Variants in MPHOSPH10 observed in about 807,000 individuals in gnomAD.
MPHOSPH10 encodes U3 small nucleolar ribonucleoprotein MPP10.
In MPHOSPH10, 33 loss-of-function variants were observed where a neutral mutation model predicts 77.3. The ratio of observed to expected loss-of-function variants is 0.43; its 90% CI spans 0.32 to 0.57. The LOEUF (loss-of-function observed/expected upper bound fraction) is 0.57. MPHOSPH10 is among the 20% of genes least tolerant of loss of function. MPHOSPH10 has a pLI of 0.07. For missense variants in MPHOSPH10, 708 were observed against 780.1 expected, an observed-to-expected ratio of 0.91 and a Z score of 1.10; for synonymous variants, 245 against 268.0, an observed-to-expected ratio of 0.91 and a Z score of 0.84.
At position 71,137,532 on chromosome 2, in the gene MPHOSPH10, G is replaced by T. The variant is rs975390922; in HGVS notation, c.1099-958G>T. ...AAATTAGTCAGGCGTGGTTGCACGC[G>T]CCTGTGGTCCCAGTTATTTGGGAGT... On this transcript the variant is annotated intron_variant, in intron 4 of 10. Transcript: ENST00000244230. Among the ~76,000 whole-genome samples the T allele has an allele frequency of 4.6e-5, 7 of 151,886 alleles. No individual in the cohort carries two copies. In the South Asian group the frequency reaches 6.2e-4, roughly 14 times the overall value.
chr2:71,133,492 T>G lies in MPHOSPH10; in HGVS notation c.684T>G (p.Asp228Glu), dbSNP rs369038411. 2 of 1,613,322 alleles carry G rather than the reference T, an allele frequency of 1.2e-6. No homozygotes were observed. Among genetic ancestry groups the G allele is most frequent in the Non-Finnish European group, 1.7e-6 (2 of 1,179,520 alleles). Reference protein sequence around the residue: ...EKEEERKDDNDEEEEDIDFFE... With the variant: ...EKEEERKDDNEEEEEDIDFFE... The stretch of plus-strand genomic sequence containing the variant: ...AAGAGGAACGAAAAGATGATAATGA[T>G]GAGGAGGAGGAAGATATTGATTTTT... The change falls in exon 2 of 11, where the codon GAT becomes GAG. Residue 228 changes from aspartate (D) to glutamate (E), a missense_variant. By Grantham distance (45) the Asp-to-Glu change is conservative. Coordinates refer to ENST00000244230, the MANE Select transcript of MPHOSPH10 (RefSeq NM_005791.3).
rs1292433883 is a variant in MPHOSPH10, at chr2:71,149,402, T to G, written c.1845T>G (p.Ala615=). The part of the protein sequence containing the change: ...DQAGKYSKTV[A]SEKLKQLTKT... The stretch of plus-strand genomic sequence containing the variant: ...CAGGGAAATACAGCAAAACAGTAGC[T>G]TCGGAGAAGTTAAAACAGCTGACCA... The change falls in exon 10 of 11, where the codon GCT becomes GCG. Residue 615 remains alanine, a synonymous_variant. Coordinates refer to ENST00000244230, the MANE Select transcript of MPHOSPH10 (RefSeq NM_005791.3). 1.2e-6 allele frequency: 2 copies of G among 1,613,160 alleles called. No homozygotes were observed. Among genetic ancestry groups the G allele is most frequent in the Middle Eastern group, 1.6e-4 (1 of 6,062 alleles).
chr2:71,134,562 G>C, intron 3 of MPHOSPH10, 64 bp from the exon 4 acceptor site: 1 of 1,456,920 alleles, frequency 6.9e-7, no homozygotes. Context: ...GGGAAAATTT[G>C]TTTCCTTTTG....
At chr2:71,148,148 T>G (rs769545524) in intron 9 of MPHOSPH10, 42 bp downstream of exon 9, 2 of 1,496,706 alleles carry the variant, frequency 1.3e-6, no homozygotes, top group Non-Finnish European at 1.9e-6. Flanking sequence ...TGTTACAAGT[T>G]AGTTGATCAT....
chr2:71,146,309 T>C (rs971826945), intron 8 of MPHOSPH10, among the ~76,000 whole-genome samples: 1 of 150,814 alleles, frequency 6.6e-6, no homozygotes, highest in Non-Finnish European at 1.5e-5. Context: ...CTCCATTTAC[T>C]AATCACAGCC....
At chr2:71,133,893 T>C in intron 2 of MPHOSPH10, 55 bp from the exon 3 acceptor site, 1 of 1,204,276 alleles carries the variant, frequency 8.3e-7, no homozygotes, top group Non-Finnish European at 1.1e-6. Flanking sequence ...TATATGCATG[T>C]GTTAATATAT....
chr2:71,136,149 A>G (rs1673485290), intron 4 of MPHOSPH10, among the ~76,000 whole-genome samples: 1 of 152,210 alleles, frequency 6.6e-6, no homozygotes, highest in Non-Finnish European at 1.5e-5. Context: ...GTGAAATTTC[A>G]TTAAATTTTT....
At chr2:71,147,796 AG>A (rs1673747860) in intron 8 of MPHOSPH10, among the ~76,000 whole-genome samples, 1 of 152,208 alleles carries the variant, frequency 6.6e-6, no homozygotes, top group Non-Finnish European at 1.5e-5. Flanking sequence ...CCGTCATGCC[AG>A]TCCACTTAGG....
At chr2:71,146,553 G>T (rs1334455077) in intron 8 of MPHOSPH10, among the ~76,000 whole-genome samples, 1 of 152,028 alleles carries the variant, frequency 6.6e-6, no homozygotes, top group Non-Finnish European at 1.5e-5. Flanking sequence ...AGCCAGGCTG[G>T]TCTCAAACTC....
intron 6 of MPHOSPH10, among the ~76,000 whole-genome samples, chr2:71,140,176 A>G (rs1673584816): frequency 6.6e-6 from 1 of 152,172 alleles, no homozygotes. Flanking sequence ...TGGCTTAGGC[A>G]CAGTATCTGG....
At chr2:71,148,231 C>G in intron 9 of MPHOSPH10, 125 bp downstream of exon 9, 1 of 782,188 alleles carries the variant, frequency 1.3e-6, no homozygotes, top group South Asian at 1.6e-5. Context: ...TCAGCAGTTT[C>G]TAAGTATAAG....
chr2:71,135,702 CTTTTTTTTTTT>C (rs781167523), intron 4 of MPHOSPH10, among the ~76,000 whole-genome samples: 3 of 130,672 alleles, frequency 2.3e-5, no homozygotes, highest in African/African-American at 8.6e-5. Flanking sequence ...TTTTCTTTTT[CTTTTTTTTTTT>C]TTTTTTGAGA....
intron 5 of MPHOSPH10, 55 bp from the exon 6 acceptor site, chr2:71,139,740 G>GAATC: frequency 7.7e-7 from 1 of 1,298,020 alleles, no homozygotes; most frequent in South Asian, 1.3e-5. Context: ...GGACTGCACT[G>GAATC]AATCAATGGT....
At chr2:71,147,685 A>G (rs563106761) in intron 8 of MPHOSPH10, among the ~76,000 whole-genome samples, 99 of 152,120 alleles carry the variant, frequency 6.5e-4, no homozygotes, top group African/African-American at 2.4e-3. Context: ...AAGAAAAAAA[A>G]AAAGAAAAAG....
chr2:71,137,137 A>G (rs146271438), intron 4 of MPHOSPH10, among the ~76,000 whole-genome samples: 1 of 152,234 alleles, frequency 6.6e-6, no homozygotes, highest in East Asian at 1.9e-4. Flanking sequence ...TATGTCAGAA[A>G]GACATTTGAT....
intron 4 of MPHOSPH10, among the ~76,000 whole-genome samples, chr2:71,135,074 G>A (rs565240919): frequency 3.3e-5 from 5 of 152,220 alleles, no homozygotes; most frequent in Non-Finnish European, 7.3e-5. Context: ...TCTGAGGTGG[G>A]AGGATCACTT....
At position 71,149,374 on chromosome 2, in the gene MPHOSPH10, A is replaced by G. The variant is rs752828987; in HGVS notation, c.1817A>G (p.Gln606Arg). ...CTGCTTGAAAAGAGCAGTGTAGATC[A>G]AGCAGGGAAATACAGCAAAACAGTA... The part of the protein sequence containing the change: ...RKLLEKSSVD[Q>R]AGKYSKTVAS... The change falls in exon 10 of 11, where the codon CAA becomes CGA. Residue 606 changes from glutamine to arginine, a missense_variant. Gln to Arg is a conservative substitution (Grantham distance 43). This residue lies in a region of MPHOSPH10 where 263 missense variants were observed against 320.0 expected (regional missense o/e 0.82). Transcript: ENST00000244230. The G allele has an allele frequency of 1.9e-6, 3 of 1,565,670 alleles. No individual in the cohort carries two copies. In the African/African-American group the frequency reaches 4.8e-5, roughly 25 times the overall value.
intron 4 of MPHOSPH10, among the ~76,000 whole-genome samples, chr2:71,135,896 G>T (rs1242841072): frequency 6.6e-6 from 1 of 151,720 alleles, no homozygotes; most frequent in East Asian, 1.9e-4. Flanking sequence ...GTAGAGACGG[G>T]GTTTCACCAT....
intron 4 of MPHOSPH10, among the ~76,000 whole-genome samples, chr2:71,136,707 C>T (rs1673498087): frequency 6.6e-6 from 1 of 152,048 alleles, no homozygotes; most frequent in Non-Finnish European, 1.5e-5. Context: ...CACCCCACTC[C>T]TCCCGCCCTT....
Sources: gnomAD v4.1 joint callset for allele counts (sites outside exome capture counted in the v4.1 genomes callset) on GRCh38, gnomAD v4.1.1 for gene constraint, gnomAD v4.1.1 regional missense constraint, MANE v1.5 for transcripts, NCBI Gene and HGNC (gene_info 2026-07-23, HGNC 2026-07-21) for gene names.